Variants in ECE2 observed in about 807,000 individuals in gnomAD.
The protein encoded by ECE2 is endothelin-converting enzyme 2.
In ECE2, 81 loss-of-function variants were observed where a neutral mutation model predicts 100.6. The observed-to-expected ratio is 0.81, with a 90% CI of 0.67 to 0.97. The LOEUF is 0.97. ECE2 is among the 50% of genes least tolerant of loss of function. The pLI is 0.00. For synonymous variants in ECE2, 391 were observed against 391.5 expected (o/e 1.00, Z 0.02); for missense variants, 911 against 988.1 (o/e 0.92, Z 1.05).
At chr3:184,287,516 A>AC (rs747491956) in intron 10 of ECE2, among the ~76,000 whole-genome samples, 2 of 151,974 alleles carry the variant, frequency 1.3e-5, no homozygotes, top group Non-Finnish European at 2.9e-5. Context: ...ACATGGTGAG[A>AC]CCCCTTCTGT....
At chr3:184,283,615 A>G (rs563756193) in intron 7 of ECE2, among the ~76,000 whole-genome samples, 170 bp from the exon 8 acceptor site, 2 of 150,594 alleles carry the variant, frequency 1.3e-5, no homozygotes, top group East Asian at 3.9e-4. Flanking sequence ...TAAGTAAACA[A>G]TACTTAGCCA....
chr3:184,278,637 G>A (rs1577135018), intron 7 of ECE2, 80 bp downstream of exon 7: 4 of 1,499,784 alleles, frequency 2.7e-6, no homozygotes, highest in East Asian at 2.3e-5. Context: ...CTTTGCCAAG[G>A]GTCAGAGCAG....
At chr3:184,281,558 T>G (rs1720815025) in intron 7 of ECE2, among the ~76,000 whole-genome samples, 1 of 152,236 alleles carries the variant, frequency 6.6e-6, no homozygotes, top group Admixed American at 6.5e-5. Flanking sequence ...AAATTTAGGA[T>G]TCATCCCGAA....
intron 3 of ECE2, 58 bp downstream of exon 3, chr3:184,277,085 G>A (rs941977727): frequency 3.1e-6 from 5 of 1,609,066 alleles, no homozygotes; most frequent in Non-Finnish European, 4.2e-6. Flanking sequence ...GAGGCCTAAG[G>A]GCCTCTAAGA....
At chr3:184,282,661 AGGGCCAGGGCCGCCAT>A (rs1230025458) in intron 7 of ECE2, among the ~76,000 whole-genome samples, 1 of 152,204 alleles carries the variant, frequency 6.6e-6, no homozygotes, top group Admixed American at 6.5e-5. Context: ...GGACCCGAGC[AGGGCCAGGGCCGCCAT>A]GGCCCTGGGG....
At position 184,292,121 on chromosome 3, in the gene ECE2, C is replaced by T. The variant is rs1414873333; in HGVS notation, c.2181C>T (p.His727=). The change falls in exon 19 of 19, where the codon CAC becomes CAT. Residue 727 remains histidine, a synonymous_variant. Coordinates refer to ENST00000404464, the MANE Select transcript of ECE2 (RefSeq NM_001100121.2). ...ACGAGGGGCTGGTGACCGACCCCCA[C>T]AGCCCTGCCCGCTTCCGCGTGCTGG... is the stretch of plus-strand genomic sequence containing the variant. ...SSHEGLVTDP[H]SPARFRVLGT... 8 of 1,613,948 alleles carry T rather than the reference C, an allele frequency of 5.0e-6. No individual in the cohort carries two copies. In the Admixed American group the frequency reaches 6.7e-5, roughly 13 times the overall value.
rs1302932419 is a variant in ECE2, at chr3:184,285,571, G to C, written c.1242G>C (p.Glu414Asp). 6.2e-7 allele frequency: 1 copy of C among 1,614,100 alleles called. No individual in the cohort carries two copies. The highest frequency in any genetic ancestry group is 8.5e-7 in the Non-Finnish European group (1 of 1,179,944). Residue 414 changes from glutamate (E) to aspartate (D), a missense_variant, in exon 10 of 19, where the codon GAG becomes GAC. Glu to Asp is a conservative substitution (Grantham distance 45). Coordinates refer to ENST00000404464, the MANE Select transcript of ECE2 (RefSeq NM_001100121.2). ...RFESAQEKLLETLYGTKKSCV... is the reference protein window; with the variant it reads ...RFESAQEKLLDTLYGTKKSCV... The stretch of plus-strand genomic sequence containing the variant: ...AGTCTGCACAAGAGAAGCTGCTGGA[G>C]ACCCTCTATGGCACTAAGAAGGTGG...
In ECE2 at chr3:184,291,372, G is replaced by A. The variant is rs1721308485; in HGVS notation, c.2054G>A (p.Gly685Glu). The change falls in exon 18 of 19, where the codon GGG becomes GAG. Residue 685 changes from glycine to glutamate, a missense_variant. By Grantham distance (98) the Gly-to-Glu change is moderately conservative (BLOSUM62 -2). Coordinates refer to ENST00000404464, the MANE Select transcript of ECE2 (RefSeq NM_001100121.2). This position sits in a 1 kb window ranked among gnomAD's most constrained non-coding sequence, Gnocchi z 4.1. ...TACAAAGCATGGCTGAGAAAGCATG[G>A]GGAGGAGCAGCAACTGCCAGCCGTG... ...NAYKAWLRKH[G>E]EEQQLPAVGL... The A allele has an allele frequency of 6.2e-7, 1 of 1,609,152 alleles. No individual in the cohort carries two copies. Among genetic ancestry groups the A allele is most frequent in the African/African-American group, 1.3e-5 (1 of 74,984 alleles).
At position 184,289,104 on chromosome 3, in the gene ECE2, G is replaced by A. The variant is rs965892558; in HGVS notation, c.1375-333G>A. On this transcript the variant is annotated intron_variant, in intron 11 of 18. Transcript: ENST00000404464. This position sits in a 1 kb window ranked among gnomAD's most constrained non-coding sequence, Gnocchi z 4.1. ...CGGGAGGCGGAGGTTGCAGTGAGCCGAGATTGCGCCACTGCACTCCATCCT... is the reference window on the plus strand; with the variant it reads ...CGGGAGGCGGAGGTTGCAGTGAGCCAAGATTGCGCCACTGCACTCCATCCT... 8.6e-5 allele frequency among the ~76,000 whole-genome samples: 13 copies of A among 150,728 alleles called. No individual in the cohort carries two copies. The highest frequency in any genetic ancestry group is 2.2e-4 in the African/African-American group (9 of 40,926).
At chr3:184,279,325 A>AG (rs562403341) in intron 7 of ECE2, among the ~76,000 whole-genome samples, 294 of 150,048 alleles carry the variant, frequency 2.0e-3, no homozygotes, top group Middle Eastern at 7.0e-3. Flanking sequence ...AAAAAAAAAA[A>AG]AAAGAAAGAA....
At chr3:184,284,094 G>C in intron 8 of ECE2, 121 bp downstream of exon 8, 2 of 1,250,308 alleles carry the variant, frequency 1.6e-6, no homozygotes, top group Non-Finnish European at 1.1e-6. Context: ...TTGCTTTTCT[G>C]TGCTCCCCAG....
In ECE2 at chr3:184,289,154, CAAAAA is replaced by C. The variant is rs780697073; in HGVS notation, c.1375-272_1375-268del. ...TAGGTAACACAGCCAGACTCTGTCTCAAAAAAAAAAAAAAATCATTGCACTATATT... is the reference window on the plus strand; with the variant it reads ...TAGGTAACACAGCCAGACTCTGTCTCAAAAAAAAAATCATTGCACTATATT... On this transcript the variant is annotated intron_variant, in intron 11 of 18. Transcript: ENST00000404464. The surrounding 1 kb of genome is among the most constrained non-coding windows in gnomAD (Gnocchi z 4.1). 1.7e-5 allele frequency among the ~76,000 whole-genome samples: 2 copies of C among 116,240 alleles called. No homozygotes were observed. Among genetic ancestry groups the C allele is most frequent in the African/African-American group, 6.5e-5 (2 of 30,746 alleles). 76.3% of individuals were successfully genotyped at this position (116,240 alleles called of 152,430 possible).
chr3:184,289,513 C>A lies in ECE2; in HGVS notation c.1451C>A (p.Thr484Asn). 2 of 1,612,826 alleles carry A rather than the reference C, an allele frequency of 1.2e-6. No homozygotes were observed. ...CAGCTGGTTTGGATGGATGAGAAGA[C>A]CCGCCAGGCAGCCAAGGAGAAAGTG... is the stretch of plus-strand genomic sequence containing the variant. ...LGQLVWMDEKTRQAAKEKADA... is the reference protein window; with the variant it reads ...LGQLVWMDEKNRQAAKEKADA... The change falls in exon 12 of 19, where the codon ACC (threonine) becomes AAC (asparagine). Residue 484 changes from threonine to asparagine, a missense_variant. Physicochemically the swap from Thr to Asn is moderately conservative, Grantham distance 65. Coordinates refer to ENST00000404464, the MANE Select transcript of ECE2 (RefSeq NM_001100121.2). This position sits in a 1 kb window ranked among gnomAD's most constrained non-coding sequence, Gnocchi z 4.1.
intron 10 of ECE2, among the ~76,000 whole-genome samples, chr3:184,286,796 TAAAAAAAA>T (rs11449762): frequency 8.2e-6 from 1 of 121,942 alleles, no homozygotes; most frequent in Non-Finnish European, 1.7e-5. Context: ...AAACTCTGTT[TAAAAAAAA>T]AAAAAAAAAA....
At chr3:184,278,704 TTTTCTTCC>T in intron 7 of ECE2, 147 bp downstream of exon 7, 1 of 179,030 alleles carries the variant, frequency 5.6e-6, no homozygotes, top group South Asian at 5.1e-5. Flanking sequence ...TTCTTTCTTC[TTTTCTTCC>T]TCCCTCCCTC....
In ECE2 at chr3:184,285,497, A is replaced by G. The variant is rs1403543341; in HGVS notation, c.1168A>G (p.Ile390Val). ...TEPSILNNYL[I>V]WNLVQKTTSS... ...TGTCAGCATCCTGAACAATTACCTGATCTGGAACCTGGTGCAAAAGACAAC... is the reference window on the plus strand; with the variant it reads ...TGTCAGCATCCTGAACAATTACCTGGTCTGGAACCTGGTGCAAAAGACAAC... The change falls in exon 10 of 19, where the codon ATC becomes GTC. Residue 390 changes from isoleucine (I) to valine (V), a missense_variant. Ile to Val is a conservative substitution (Grantham distance 29). Transcript: ENST00000404464. 2.5e-6 allele frequency: 4 copies of G among 1,614,006 alleles called. No homozygotes were observed. In the South Asian group the frequency reaches 4.4e-5, roughly 18 times the overall value.
chr3:184,276,500 C>G lies in ECE2; in HGVS notation c.59C>G (p.Ala20Gly), dbSNP rs1201769010. Residue 20 changes from alanine (A) to glycine (G), a missense_variant, in exon 2 of 19, where the codon GCC becomes GGC. Transcript: ENST00000404464. ...TGGCAGATGGTGGAGTACAAACGGG[C>G]CACGCTTCGGGATGAAGACGCACCC... ...AGSNMVEYKR[A>G]TLRDEDAPET... 6.2e-7 allele frequency: 1 copy of G among 1,610,448 alleles called. No individual in the cohort carries two copies. The highest frequency in any genetic ancestry group is 8.5e-7 in the Non-Finnish European group (1 of 1,179,570).
At chr3:184,286,549 T>G (rs1045759872) in intron 10 of ECE2, among the ~76,000 whole-genome samples, 3 of 152,022 alleles carry the variant, frequency 2.0e-5, no homozygotes, top group Non-Finnish European at 4.4e-5. Context: ...ATGCCTGTAA[T>G]CCCAGCATTT....
At position 184,289,576 on chromosome 3, in the gene ECE2, G is replaced by A. The variant is rs1169673313; in HGVS notation, c.1473+41G>A. The A allele has an allele frequency of 3.1e-6, 5 of 1,613,608 alleles. No individual in the cohort carries two copies. Among genetic ancestry groups the A allele is most frequent in the Non-Finnish European group, 3.4e-6 (4 of 1,179,548 alleles). Reference sequence around the variant, plus strand: ...GGTTGGGGCGCCATCTTGAGGTGGGGTTCAAGGATACAGTTTTGCTAGGAA... The same window carrying A: ...GGTTGGGGCGCCATCTTGAGGTGGGATTCAAGGATACAGTTTTGCTAGGAA... On this transcript the variant is annotated intron_variant, in intron 12 of 18. Transcript: ENST00000404464. This position sits in a 1 kb window ranked among gnomAD's most constrained non-coding sequence, Gnocchi z 4.1.
Sources: allele counts gnomAD v4.1 joint callset (sites outside exome capture counted in the v4.1 genomes callset), GRCh38; gene constraint gnomAD v4.1.1; non-coding constraint Gnocchi (gnomAD v3.1); transcripts MANE v1.5; gene names NCBI Gene and HGNC (gene_info 2026-07-23, HGNC 2026-07-21).